Variants in SPMIP2 observed in about 807,000 individuals in gnomAD.
SPMIP2 encodes the protein sperm microtubule inner protein 2.
chr4:159,068,796 T>C, the SPMIP2 span, among the ~76,000 whole-genome samples: 2 of 151,214 alleles, frequency 1.3e-5, no homozygotes, highest in African/African-American at 4.9e-5. Context: ...ATAGAAAAGG[T>C]AAATTGGGAT....
chr4:158,966,656 T>C, the SPMIP2 span, among the ~76,000 whole-genome samples: 8 of 152,190 alleles, frequency 5.3e-5, no homozygotes, highest in African/African-American at 1.7e-4. Context: ...TTTTAAAAGG[T>C]GATATTTACA....
At chr4:158,893,646 T>G in the SPMIP2 span, 23 of 1,484,160 alleles carry the variant, frequency 1.5e-5, no homozygotes, top group Non-Finnish European at 2.1e-5. Context: ...TTTTTTGTTA[T>G]ACAGTAGTAG....
the SPMIP2 span, among the ~76,000 whole-genome samples, chr4:158,997,881 C>T: frequency 6.6e-6 from 1 of 152,084 alleles, no homozygotes; most frequent in Non-Finnish European, 1.5e-5. Context: ...GGTGTCAAAC[C>T]CCTGGCCTCA....
chr4:159,004,428 T>C, the SPMIP2 span, among the ~76,000 whole-genome samples: 3 of 151,620 alleles, frequency 2.0e-5, no homozygotes, highest in Non-Finnish European at 2.9e-5. Context: ...GTAGCTGTGA[T>C]TACAGGCCCA....
the SPMIP2 span, among the ~76,000 whole-genome samples, chr4:159,054,174 G>A: frequency 2.6e-5 from 4 of 151,936 alleles, no homozygotes; most frequent in African/African-American, 9.7e-5. Flanking sequence ...GTAGAGACAG[G>A]GTCTCACTAT....
At chr4:158,941,857 T>C in the SPMIP2 span, among the ~76,000 whole-genome samples, 1,704 of 152,304 alleles carry the variant, frequency 0.011, 20 homozygotes, top group African/African-American at 0.039. Context: ...CTCTATTTTT[T>C]TTTTCTTGTT....
the SPMIP2 span, among the ~76,000 whole-genome samples, chr4:158,982,330 ACAAGGATATT>A: frequency 6.6e-6 from 1 of 152,334 alleles, no homozygotes; most frequent in South Asian, 2.1e-4. Context: ...CAGAAAATTA[ACAAGGATATT>A]CAGGACTTGA....
At chr4:159,063,343 G>C in the SPMIP2 span, among the ~76,000 whole-genome samples, 1 of 152,102 alleles carries the variant, frequency 6.6e-6, no homozygotes, top group Admixed American at 6.5e-5. Flanking sequence ...AGGATCACTT[G>C]AGCTCAGGAG....
At chr4:159,079,490 C>A in the SPMIP2 span, among the ~76,000 whole-genome samples, 12 of 152,184 alleles carry the variant, frequency 7.9e-5, no homozygotes, top group African/African-American at 2.9e-4. Context: ...TTATAAGCTA[C>A]CCAGTTCCAG....
At chr4:159,030,956 A>G in the SPMIP2 span, among the ~76,000 whole-genome samples, 1 of 152,196 alleles carries the variant, frequency 6.6e-6, no homozygotes, top group South Asian at 2.1e-4. Context: ...TAATTTCTAA[A>G]TGATTTCTCA....
the SPMIP2 span, among the ~76,000 whole-genome samples, chr4:158,992,794 C>T: frequency 2.6e-3 from 392 of 152,298 alleles, 2 homozygotes; most frequent in African/African-American, 8.9e-3. Context: ...GCTGGAGGTG[C>T]TGTGAAGCCT....
chr4:159,028,261 T>A, the SPMIP2 span, among the ~76,000 whole-genome samples: 8 of 152,242 alleles, frequency 5.3e-5, no homozygotes, highest in Non-Finnish European at 1.0e-4. Context: ...ATATTTAATT[T>A]GAGCCAAGTA....
At chr4:158,985,622 TGAGACG>T in the SPMIP2 span, among the ~76,000 whole-genome samples, 5 of 152,220 alleles carry the variant, frequency 3.3e-5, no homozygotes, top group Non-Finnish European at 5.9e-5. Context: ...TAGGTATTGA[TGAGACG>T]TATCTCAAAA....
At chr4:159,030,463 TTTTATTTATTTATTTATTTATTTA>T in the SPMIP2 span, among the ~76,000 whole-genome samples, 55 of 142,404 alleles carry the variant, frequency 3.9e-4, no homozygotes, top group East Asian at 7.4e-3. Context: ...GAAAGCAAAA[TTTTATTTATTTATTTATTTATTTA>T]TTTATTTATT....
At chr4:158,912,842 T>C in the SPMIP2 span, among the ~76,000 whole-genome samples, 2 of 152,198 alleles carry the variant, frequency 1.3e-5, no homozygotes, top group African/African-American at 4.8e-5. Context: ...TGATTCAGTA[T>C]TTTGTTTATT....
the SPMIP2 span, among the ~76,000 whole-genome samples, chr4:158,894,170 CTTTTT>C: frequency 3.1e-5 from 4 of 127,454 alleles, no homozygotes; most frequent in African/African-American, 5.7e-5. Flanking sequence ...AAAATGTTTT[CTTTTT>C]TTTTTTTTTT....
chr4:158,899,503 T>TATTA, the SPMIP2 span, among the ~76,000 whole-genome samples: 5 of 152,240 alleles, frequency 3.3e-5, no homozygotes, highest in African/African-American at 4.8e-5. Context: ...GTTGGTAGGC[T>TATTA]ATTAATTACT....
the SPMIP2 span, among the ~76,000 whole-genome samples, chr4:158,947,148 A>G: frequency 1.1e-4 from 16 of 152,262 alleles, no homozygotes; most frequent in South Asian, 2.1e-4. Context: ...AATTATCTCA[A>G]AAAAATCGCA....
At chr4:159,079,820 A>G in the SPMIP2 span, among the ~76,000 whole-genome samples, 1 of 152,172 alleles carries the variant, frequency 6.6e-6, no homozygotes, top group Non-Finnish European at 1.5e-5. Flanking sequence ...GATTTTTAGT[A>G]ATAGGAAAAA....
Sources: allele counts gnomAD v4.1 joint callset (sites outside exome capture counted in the v4.1 genomes callset), GRCh38; gene constraint gnomAD v4.1.1; transcripts MANE v1.5; gene names NCBI Gene and HGNC (gene_info 2026-07-23, HGNC 2026-07-21).